GPC5: variants seen among roughly 807,000 people sequenced by gnomAD.
GPC5 encodes the protein glypican 5.
Under a neutral mutation model 53.9 loss-of-function variants are expected in GPC5, and 47 were observed. The ratio of observed to expected loss-of-function variants is 0.87; its 90% CI spans 0.69 to 1.11. The LOEUF (loss-of-function observed/expected upper bound fraction) is 1.11. Ranked by LOEUF, GPC5 falls within the 50% of genes most tolerant of loss-of-function variation. The pLI, the probability that GPC5 is intolerant of heterozygous loss-of-function variation, is 0.00. For missense variants in GPC5, 748 were observed against 713.1 expected, an observed-to-expected ratio of 1.05 and a Z score of -0.56; for synonymous variants, 286 against 263.3, an observed-to-expected ratio of 1.09 and a Z score of -0.84.
In GPC5 at chr13:91,432,184, A is replaced by ACTG. The variant is rs1260967783; in HGVS notation, c.164-16558_164-16556dup. Among the ~76,000 whole-genome samples the ACTG allele has an allele frequency of 9.4e-4, 121 of 129,288 alleles. 1 individual carries two copies. The highest frequency in any genetic ancestry group is 1.8e-3 in the East Asian group (8 of 4,328). The allele number at this position is 129,288 out of a possible 152,430, so 84.8% of individuals were successfully genotyped here. ...TCATGTAGCTAGATATGCTGCTTCC[A>ACTG]CTGCTGCTGCTGCTGCTGCTGTGTG... On this transcript the variant is annotated intron_variant, in intron 1 of 7. Transcript: ENST00000377067.
intron 5 of GPC5, among the ~76,000 whole-genome samples, chr13:91,863,597 A>G (rs906644050): frequency 6.6e-6 from 1 of 152,078 alleles, no homozygotes; most frequent in Non-Finnish European, 1.5e-5. Flanking sequence ...TAGGGATACC[A>G]TCAACTACAT....
chr13:91,462,097 C>A lies in GPC5; in HGVS notation c.325+13175C>A, dbSNP rs531185144. On this transcript the variant is annotated intron_variant, in intron 2 of 7. Coordinates refer to ENST00000377067, the MANE Select transcript of GPC5 (RefSeq NM_004466.6). ...ACTGTAATGGAAACCAACGTGAATA[C>A]TAAAATCTAAGGTTTAACTAACAGA... Among the ~76,000 whole-genome samples the A allele has an allele frequency of 2.0e-5, 3 of 152,144 alleles. 1 individual carries two copies. In the South Asian group the frequency reaches 6.2e-4, roughly 32 times the overall value.
chr13:92,322,094 G>A (rs1037048504), intron 7 of GPC5, among the ~76,000 whole-genome samples: 1 of 151,854 alleles, frequency 6.6e-6, no homozygotes, highest in Non-Finnish European at 1.5e-5. Flanking sequence ...CTTGTACCCC[G>A]ACCTTAAAAG....
chr13:92,402,870 C>T (rs1054627178), intron 7 of GPC5, among the ~76,000 whole-genome samples: 16 of 152,172 alleles, frequency 1.1e-4, no homozygotes, highest in Non-Finnish European at 2.4e-4. Flanking sequence ...AACAGAAGCT[C>T]TCTTCATGCT....
chr13:91,624,429 G>T (rs897091817), intron 2 of GPC5, among the ~76,000 whole-genome samples: 1 of 151,952 alleles, frequency 6.6e-6, no homozygotes, highest in Non-Finnish European at 1.5e-5. Context: ...AAACCTCCAA[G>T]GACAACTTGA....
intron 2 of GPC5, among the ~76,000 whole-genome samples, chr13:91,499,828 C>T (rs536453926): frequency 6.6e-6 from 1 of 152,260 alleles, no homozygotes; most frequent in African/African-American, 2.4e-5. Context: ...ATACATGGAG[C>T]CACTTCCTAA....
At chr13:92,721,185 G>T (rs184465912) in intron 7 of GPC5, among the ~76,000 whole-genome samples, 97 of 151,898 alleles carry the variant, frequency 6.4e-4, no homozygotes, top group Non-Finnish European at 1.1e-3. Flanking sequence ...ATGACCACAA[G>T]CTAGTCTTAC....
intron 7 of GPC5, among the ~76,000 whole-genome samples, chr13:92,611,499 A>T (rs1884435103): frequency 1.3e-5 from 2 of 152,188 alleles, no homozygotes; most frequent in African/African-American, 2.4e-5. Context: ...ATGTATTCAA[A>T]GTATTTTCTC....
chr13:92,036,384 G>A (rs1001345326), intron 6 of GPC5, among the ~76,000 whole-genome samples: 1 of 152,064 alleles, frequency 6.6e-6, no homozygotes, highest in African/African-American at 2.4e-5. Context: ...CTAGTTACTG[G>A]CCAAAATAAA....
chr13:92,271,959 G>C (rs2042842605), intron 7 of GPC5, among the ~76,000 whole-genome samples: 1 of 152,188 alleles, frequency 6.6e-6, no homozygotes, highest in Non-Finnish European at 1.5e-5. Context: ...GCAACATTGA[G>C]CCTAATAGGA....
At chr13:91,675,573 C>T (rs1335960441) in intron 2 of GPC5, among the ~76,000 whole-genome samples, 1 of 152,092 alleles carries the variant, frequency 6.6e-6, no homozygotes, top group Non-Finnish European at 1.5e-5. Context: ...TAAAATACTG[C>T]AATATGTGTA....
At chr13:92,189,108 A>G (rs2042204495) in intron 7 of GPC5, among the ~76,000 whole-genome samples, 1 of 152,184 alleles carries the variant, frequency 6.6e-6, no homozygotes, top group Admixed American at 6.5e-5. Context: ...ACACTTGTGA[A>G]TTTTACCTTC....
intron 6 of GPC5, among the ~76,000 whole-genome samples, chr13:91,913,402 A>G (rs1447948315): frequency 6.6e-6 from 1 of 151,956 alleles, no homozygotes; most frequent in East Asian, 1.9e-4. Context: ...CTGTCAAAAA[A>G]AAAAAAAAGG....
At chr13:92,229,016 C>A (rs938050651) in intron 7 of GPC5, among the ~76,000 whole-genome samples, 5 of 151,936 alleles carry the variant, frequency 3.3e-5, no homozygotes, top group African/African-American at 9.7e-5. Context: ...AATAGCAAAA[C>A]ACAAATTTGC....
intron 7 of GPC5, among the ~76,000 whole-genome samples, chr13:92,290,600 CT>C (rs1469437916): frequency 6.6e-6 from 1 of 152,194 alleles, no homozygotes; most frequent in Non-Finnish European, 1.5e-5. Flanking sequence ...TTTTCCATTC[CT>C]GAGTTACTTC....
chr13:91,576,514 G>A (rs1364426237), intron 2 of GPC5, among the ~76,000 whole-genome samples: 3 of 152,104 alleles, frequency 2.0e-5, no homozygotes, highest in African/African-American at 4.8e-5. Context: ...GATTCCTAAC[G>A]GGTAACAGTA....
intron 7 of GPC5, among the ~76,000 whole-genome samples, chr13:92,562,183 C>G (rs1187248577): frequency 1.3e-5 from 2 of 152,042 alleles, no homozygotes; most frequent in Admixed American, 1.3e-4. Flanking sequence ...TACCTCCTCA[C>G]CAGCTTGCCA....
intron 6 of GPC5, among the ~76,000 whole-genome samples, chr13:92,097,373 C>T (rs1038023044): frequency 6.6e-6 from 1 of 152,130 alleles, no homozygotes. Context: ...TTGAGAAATT[C>T]TCATCTATAT....
intron 7 of GPC5, among the ~76,000 whole-genome samples, chr13:92,456,967 C>A (rs1049607251): frequency 6.6e-6 from 1 of 151,676 alleles, no homozygotes; most frequent in African/African-American, 2.4e-5. Flanking sequence ...AGAATAGTAC[C>A]CAATAGGTAG....
Sources: gnomAD v4.1 joint callset for allele counts (sites outside exome capture counted in the v4.1 genomes callset) on GRCh38, gnomAD v4.1.1 for gene constraint, MANE v1.5 for transcripts, NCBI Gene and HGNC (gene_info 2026-07-23, HGNC 2026-07-21) for gene names.